The following SLC4A4 variants were observed in gnomAD, a reference collection of about 807,000 sequenced individuals.
The protein encoded by SLC4A4 is solute carrier family 4 member 4, also known as electrogenic sodium bicarbonate cotransporter 1.
A neutral mutation model predicts 111.5 loss-of-function variants in SLC4A4; 27 were observed. The observed-to-expected ratio is 0.24, with a 90% CI of 0.18 to 0.33. SLC4A4 has a LOEUF of 0.33. Among genes scored for constraint, SLC4A4 ranks in the 10% least tolerant of loss-of-function variants. The pLI is 1.00. For missense variants in SLC4A4, 909 were observed against 1,315.5 expected (o/e 0.69, Z 4.78); for synonymous variants, 443 against 463.4 (o/e 0.96, Z 0.57).
intron 1 of SLC4A4, among the ~76,000 whole-genome samples, chr4:71,065,397 A>ATATATATATATTC (rs1333215789): frequency 0.041 from 6,188 of 151,666 alleles, 169 homozygotes; most frequent in Non-Finnish European, 0.064. Context: ...GTTGTGAATT[A>ATATATATATATTC]TTGGGCCATA....
chr4:71,481,654 T>C (rs1474005096), intron 14 of SLC4A4, among the ~76,000 whole-genome samples: 4 of 151,746 alleles, frequency 2.6e-5, no homozygotes, highest in Admixed American at 1.3e-4. Flanking sequence ...CTCAAGGTCA[T>C]CGCCAAGGTC....
intron 14 of SLC4A4, among the ~76,000 whole-genome samples, chr4:71,477,160 C>G (rs1728446810): frequency 6.6e-6 from 1 of 151,628 alleles, no homozygotes; most frequent in African/African-American, 2.4e-5. Context: ...CAGAACTAGG[C>G]TAATTACTTA....
At chr4:71,478,919 C>T (rs994060405) in intron 14 of SLC4A4, among the ~76,000 whole-genome samples, 1 of 151,654 alleles carries the variant, frequency 6.6e-6, no homozygotes, top group African/African-American at 2.4e-5. Context: ...AATCTAATAC[C>T]TCTGTTCATT....
In SLC4A4 at chr4:71,404,975, G is replaced by A. The variant is rs894755197; in HGVS notation, c.807+7322G>A. 6.6e-5 allele frequency among the ~76,000 whole-genome samples: 10 copies of A among 150,566 alleles called. No homozygotes were observed. In the East Asian group the frequency reaches 9.7e-4, roughly 15 times the overall value. On this transcript the variant is annotated intron_variant, in intron 7 of 25. Coordinates refer to ENST00000264485, the MANE Select transcript of SLC4A4 (RefSeq NM_001098484.3). ...CATACCCAGCTAATTTTTTTTTTGT[G>A]TATATATATATAATTTTTTTTTGAG...
rs1553900734 is a variant in SLC4A4, at chr4:71,376,156, T to TATATACACACACACACACAC, written c.730+18970_730+18971insTATACACACACACACACACA. 1.5e-3 allele frequency among the ~76,000 whole-genome samples: 202 copies of TATATACACACACACACACAC among 135,546 alleles called. 2 individuals carry two copies. The highest frequency in any genetic ancestry group is 4.7e-3 in the African/African-American group (172 of 36,242). 88.9% of individuals were successfully genotyped at this position (135,546 alleles called of 152,430 possible). Reference sequence around the variant, plus strand: ...ACATACACATATATACCTGTATATATACACACACACACACACACACACACA... The same window carrying TATATACACACACACACACAC: ...ACATACACATATATACCTGTATATATATATACACACACACACACACACACACACACACACACACACACACA... On this transcript the variant is annotated intron_variant, in intron 6 of 25. Transcript: ENST00000264485.
chr4:71,286,336 G>A (rs952612943), intron 3 of SLC4A4, among the ~76,000 whole-genome samples: 2 of 152,170 alleles, frequency 1.3e-5, no homozygotes, highest in Non-Finnish European at 2.9e-5. Flanking sequence ...CACTCCATGT[G>A]GATTCAGTTG....
chr4:71,437,813 G>A (rs1243146166), intron 7 of SLC4A4: 4 of 260,678 alleles, frequency 1.5e-5, no homozygotes, highest in Non-Finnish European at 3.0e-5. Context: ...CCGCCCCTGA[G>A]TGGGATGTGT....
chr4:71,239,352 C>G (rs549213324), intron 2 of SLC4A4, among the ~76,000 whole-genome samples: 73 of 152,256 alleles, frequency 4.8e-4, no homozygotes, highest in African/African-American at 1.6e-3. Context: ...TCTGATAGTT[C>G]TTGTTACTTT....
chr4:71,100,977 C>T (rs1050181186), intron 2 of SLC4A4, among the ~76,000 whole-genome samples: 3 of 152,082 alleles, frequency 2.0e-5, no homozygotes, highest in Admixed American at 6.6e-5. Context: ...ATGCCATGCT[C>T]GGCTGGGCGT....
chr4:71,372,901 A>T (rs1246764912), intron 6 of SLC4A4, among the ~76,000 whole-genome samples: 11 of 151,508 alleles, frequency 7.3e-5, no homozygotes, highest in African/African-American at 2.4e-4. Flanking sequence ...TTCTTGTTTC[A>T]TCCTACAATC....
rs142979415 is a variant in SLC4A4 at position 71,314,573 on chromosome 4, A to C, written c.254-24797A>C. 5.3e-3 allele frequency among the ~76,000 whole-genome samples: 811 copies of C among 152,290 alleles called. 8 individuals are homozygous for C. Among genetic ancestry groups the C allele is most frequent in the African/African-American group, 0.018 (737 of 41,556 alleles). On this transcript the variant is annotated intron_variant, in intron 3 of 25. Transcript: ENST00000264485. ...AAAATGTGGCACATATACAGCATGG[A>C]ATACTGTGCAGCCATAAAAAAGAAT...
At chr4:71,444,604 G>A (rs1725059734) in intron 8 of SLC4A4, among the ~76,000 whole-genome samples, 22 of 152,180 alleles carry the variant, frequency 1.4e-4, no homozygotes, top group Admixed American at 1.4e-3. Context: ...CTTGGGTCAT[G>A]AAAGGAGTTT....
At chr4:71,320,474 C>T in intron 3 of SLC4A4, among the ~76,000 whole-genome samples, 1 of 152,006 alleles carries the variant, frequency 6.6e-6, no homozygotes, top group Non-Finnish European at 1.5e-5. Context: ...ATTCTTTATA[C>T]ATTTCTATAA....
At position 71,235,640 on chromosome 4, in the gene SLC4A4, A is replaced by C. The variant is rs559945820; in HGVS notation, c.-1-936A>C. Among the ~76,000 whole-genome samples, 4 of 152,358 alleles carry C rather than the reference A, an allele frequency of 2.6e-5. No individual in the cohort carries two copies. The East Asian group carries it at 7.7e-4, about 29-fold the overall frequency. On this transcript the variant is annotated intron_variant, in intron 1 of 25. Transcript: ENST00000264485. ...TAATGCAATGAAAAGGAGCTGCAGA[A>C]TATGGAAATAAACCTTAACTCATTC...
chr4:71,310,922 T>G (rs904974853), intron 3 of SLC4A4, among the ~76,000 whole-genome samples: 1 of 152,176 alleles, frequency 6.6e-6, no homozygotes, highest in Non-Finnish European at 1.5e-5. Context: ...GTGTGCTATA[T>G]TCAGGAGACC....
chr4:71,075,969 A>G (rs1741803566), intron 1 of SLC4A4, among the ~76,000 whole-genome samples: 1 of 141,376 alleles, frequency 7.1e-6, no homozygotes, highest in Non-Finnish European at 1.6e-5. Context: ...AAATAAATAA[A>G]TAAATAAATA....
chr4:71,291,933 A>C (rs1426923091), intron 3 of SLC4A4, among the ~76,000 whole-genome samples: 1 of 152,056 alleles, frequency 6.6e-6, no homozygotes, highest in Non-Finnish European at 1.5e-5. Context: ...CTATTTATGG[A>C]TTATGTGAGA....
intron 14 of SLC4A4, among the ~76,000 whole-genome samples, chr4:71,475,613 C>T (rs1174955997): frequency 6.6e-6 from 1 of 151,890 alleles, no homozygotes; most frequent in African/African-American, 2.4e-5. Flanking sequence ...AGTACTGTCA[C>T]AGGACTTTGA....
At chr4:71,291,149 G>T (rs1299391830) in intron 3 of SLC4A4, among the ~76,000 whole-genome samples, 1 of 152,092 alleles carries the variant, frequency 6.6e-6, no homozygotes, top group Non-Finnish European at 1.5e-5. Context: ...ATATGGTGAA[G>T]AACTCAAATT....
Sources: gnomAD v4.1 joint callset for allele counts (sites outside exome capture counted in the v4.1 genomes callset) on GRCh38, gnomAD v4.1.1 for gene constraint, MANE v1.5 for transcripts, NCBI Gene and HGNC (gene_info 2026-07-23, HGNC 2026-07-21) for gene names.